Variants in ANKRD30BL observed in about 807,000 individuals in gnomAD.
ANKRD30BL encodes the protein ankyrin repeat domain 30B like.
In ANKRD30BL, 20 loss-of-function variants were observed where a neutral mutation model predicts 18.4. That is an observed-to-expected ratio of 1.09 (90% confidence interval 0.77 to 1.58). The LOEUF is 1.58. ANKRD30BL is among the 40% of genes most tolerant of loss of function. The pLI is 0.00. For synonymous variants in ANKRD30BL, 72 were observed against 100.9 expected (o/e 0.71, Z 1.72); for missense variants, 224 against 268.6 (o/e 0.83, Z 1.16).
At chr2:132,231,385 C>T (rs924098056) in intron 1 of ANKRD30BL, among the ~76,000 whole-genome samples, 15 of 152,178 alleles carry the variant, frequency 9.9e-5, no homozygotes, top group African/African-American at 1.7e-4. Flanking sequence ...CCAGCGTGAG[C>T]GACGCAGAAG....
At chr2:132,234,428 A>T (rs1680098514) in intron 1 of ANKRD30BL, among the ~76,000 whole-genome samples, 1 of 152,130 alleles carries the variant, frequency 6.6e-6, no homozygotes, top group Non-Finnish European at 1.5e-5. Context: ...AACAAAATTG[A>T]TAGACAGCTA....
chr2:132,255,529 A>G (rs1218224424), intron 1 of ANKRD30BL, among the ~76,000 whole-genome samples: 3 of 151,946 alleles, frequency 2.0e-5, no homozygotes, highest in Non-Finnish European at 4.4e-5. Flanking sequence ...GAGCTTTTTA[A>G]CTGCAACAAC....
At chr2:132,207,157 GAC>G (rs1156610428) in intron 1 of ANKRD30BL, among the ~76,000 whole-genome samples, 3 of 151,990 alleles carry the variant, frequency 2.0e-5, no homozygotes, top group Admixed American at 2.0e-4. Context: ...TCTTTTTGAA[GAC>G]ACAATCTAAC....
chr2:132,229,417 C>G (rs1195242496), intron 1 of ANKRD30BL, among the ~76,000 whole-genome samples: 1 of 151,776 alleles, frequency 6.6e-6, no homozygotes. Flanking sequence ...ACATTTGGAG[C>G]ACTTTGATTC....
chr2:132,231,865 T>C (rs1573871501), intron 1 of ANKRD30BL, among the ~76,000 whole-genome samples: 1 of 152,222 alleles, frequency 6.6e-6, no homozygotes, highest in African/African-American at 2.4e-5. Context: ...CCTGCCTCTG[T>C]AGGCTCCACC....
rs367799121 is a variant in ANKRD30BL at position 132,230,885 on chromosome 2, T to C, written n.441+26644A>G. Among the ~76,000 whole-genome samples the C allele has an allele frequency of 1.1e-3, 171 of 151,424 alleles. 2 individuals carry two copies. In the East Asian group the frequency reaches 0.03, roughly 26 times the overall value. On this transcript the variant is annotated intron_variant and non_coding_transcript_variant, in intron 1 of 4. Coordinates refer to the ANKRD30BL transcript ENST00000470729. ...GATGTGTGCATTCACCTCAGAGAGT[T>C]GAACATTTCTTTTGATAGAGCAGTT... is the stretch of plus-strand genomic sequence containing the variant.
intron 4 of ANKRD30BL, chr2:132,153,361 G>T (rs1573798555): frequency 2.7e-6 from 1 of 364,328 alleles, no homozygotes; most frequent in African/African-American, 2.2e-5. Flanking sequence ...ATGCATAGGG[G>T]TTATACTTCA....
At chr2:132,218,699 T>C (rs796236883) in intron 1 of ANKRD30BL, among the ~76,000 whole-genome samples, 1 of 151,732 alleles carries the variant, frequency 6.6e-6, no homozygotes, top group Non-Finnish European at 1.5e-5. Flanking sequence ...ACTCACAGAG[T>C]TGAACATACC....
At chr2:132,222,700 G>A (rs1385034272) in intron 1 of ANKRD30BL, among the ~76,000 whole-genome samples, 1 of 151,810 alleles carries the variant, frequency 6.6e-6, no homozygotes, top group African/African-American at 2.4e-5. Context: ...AAACATTGCG[G>A]AAGGCCGCAG....
chr2:132,157,459 T>C, intron 1 of ANKRD30BL, 36 bp from the exon 2 acceptor site: 2 of 591,212 alleles, frequency 3.4e-6, no homozygotes, highest in Non-Finnish European at 6.3e-6. Flanking sequence ...GAAAGTTTAG[T>C]CCACTGTCTC....
At chr2:132,168,430 A>C (rs897293425) in intron 1 of ANKRD30BL, among the ~76,000 whole-genome samples, 1 of 152,218 alleles carries the variant, frequency 6.6e-6, no homozygotes, top group Non-Finnish European at 1.5e-5. Flanking sequence ...CTTACAAAAG[A>C]AAGAAATCCT....
intron 1 of ANKRD30BL, among the ~76,000 whole-genome samples, chr2:132,230,768 C>T (rs368913426): frequency 8.1e-5 from 12 of 147,480 alleles, no homozygotes; most frequent in Non-Finnish European, 1.1e-4. Context: ...AGAATCTGCA[C>T]GTGGACATTT....
At chr2:132,155,305 A>G (rs1687872208) in intron 3 of ANKRD30BL, 1 of 152,182 alleles carries the variant, frequency 6.6e-6, no homozygotes, top group Admixed American at 6.5e-5. Context: ...ATTTGACAGT[A>G]TATTTTTGTG....
chr2:132,157,949 T>A (rs1687956038), intron 1 of ANKRD30BL, among the ~76,000 whole-genome samples: 1 of 152,210 alleles, frequency 6.6e-6, no homozygotes. Context: ...ATAAAGCTAT[T>A]TTAATAATTC....
intron 1 of ANKRD30BL, among the ~76,000 whole-genome samples, chr2:132,172,438 CTCA>C (rs1688298525): frequency 6.6e-6 from 1 of 152,084 alleles, no homozygotes; most frequent in Non-Finnish European, 1.5e-5. Flanking sequence ...GAAATGATAT[CTCA>C]TCATTATTTT....
At chr2:132,212,265 G>A (rs1297003745) in intron 1 of ANKRD30BL, among the ~76,000 whole-genome samples, 2 of 151,544 alleles carry the variant, frequency 1.3e-5, no homozygotes, top group African/African-American at 2.4e-5. Context: ...GACATTTGGA[G>A]AGCTTTGAGG....
At chr2:132,188,066 G>T (rs1056074640) in intron 1 of ANKRD30BL, among the ~76,000 whole-genome samples, 1 of 152,036 alleles carries the variant, frequency 6.6e-6, no homozygotes, top group African/African-American at 2.4e-5. Context: ...TTTTTATTAG[G>T]GATGTCATTT....
chr2:132,161,353 G>T (rs530442676), intron 1 of ANKRD30BL, 135 bp downstream of exon 1: 5 of 883,868 alleles, frequency 5.7e-6, no homozygotes, highest in East Asian at 2.7e-5. Context: ...CGGGGCCCAG[G>T]ACGGCCGCCC....
intron 1 of ANKRD30BL, among the ~76,000 whole-genome samples, chr2:132,196,503 A>T (rs1250899037): frequency 1.3e-5 from 2 of 152,180 alleles, no homozygotes; most frequent in African/African-American, 4.8e-5. Context: ...AAAAATTAAA[A>T]GCAGCCAGGC....
Sources: allele counts gnomAD v4.1 joint callset (sites outside exome capture counted in the v4.1 genomes callset), GRCh38; gene constraint gnomAD v4.1.1; transcripts MANE v1.5; gene names NCBI Gene and HGNC (gene_info 2026-07-23, HGNC 2026-07-21).